MBD5: variants seen among roughly 807,000 people sequenced by gnomAD.
MBD5 encodes methyl-CpG binding domain protein 5.
MBD5 carries 13 observed loss-of-function variants against 117.3 expected under a neutral mutation model. The ratio of observed to expected loss-of-function variants is 0.11; its 90% CI spans 0.07 to 0.18. The LOEUF is 0.18. Ranked by LOEUF, MBD5 falls within the 10% of genes least tolerant of loss-of-function variation. The pLI, the probability that MBD5 is intolerant of heterozygous loss-of-function variation, is 1.00. For missense variants in MBD5, 1,879 were observed against 2,093.8 expected, an observed-to-expected ratio of 0.90 and a Z score of 2.00; for synonymous variants, 727 against 766.4, an observed-to-expected ratio of 0.95 and a Z score of 0.85.
chr2:148,038,551 A>C (rs1694261511), intron 1 of MBD5, among the ~76,000 whole-genome samples: 1 of 150,986 alleles, frequency 6.6e-6, no homozygotes, highest in Admixed American at 6.6e-5. Context: ...GAAAAAGAAA[A>C]CTTGAGGATT....
At chr2:148,405,126 T>C (rs574020263) in intron 4 of MBD5, among the ~76,000 whole-genome samples, 1 of 152,300 alleles carries the variant, frequency 6.6e-6, no homozygotes, top group South Asian at 2.1e-4. Context: ...TAAATATGTT[T>C]TTGAGTGTGT....
chr2:148,158,570 GT>G (rs1315923965), intron 1 of MBD5, among the ~76,000 whole-genome samples: 2 of 152,114 alleles, frequency 1.3e-5, no homozygotes, highest in Non-Finnish European at 1.5e-5. Context: ...ATACTTGGCC[GT>G]TTATACTGTC....
At chr2:148,357,303 C>A (rs1249155983) in intron 4 of MBD5, among the ~76,000 whole-genome samples, 1 of 152,150 alleles carries the variant, frequency 6.6e-6, no homozygotes, top group African/African-American at 2.4e-5. Flanking sequence ...CAATTACTAT[C>A]CATTTTAATT....
intron 3 of MBD5, among the ~76,000 whole-genome samples, chr2:148,278,823 C>A (rs1005249997): frequency 2.6e-5 from 4 of 152,150 alleles, no homozygotes; most frequent in Admixed American, 2.0e-4. Flanking sequence ...ACCAAAGAAG[C>A]TGATAGTGTA....
intron 3 of MBD5, among the ~76,000 whole-genome samples, chr2:148,240,371 C>A (rs894444380): frequency 1.1e-4 from 17 of 151,382 alleles, no homozygotes; most frequent in Non-Finnish European, 2.9e-5. Flanking sequence ...ACATATGTAA[C>A]AAACCTCCAT....
At chr2:148,277,828 T>G (rs74723674) in intron 3 of MBD5, among the ~76,000 whole-genome samples, 1,536 of 152,342 alleles carry the variant, frequency 0.01, 13 homozygotes, top group African/African-American at 0.034. Flanking sequence ...TTTTTCTAAT[T>G]TAATAAATGA....
intron 3 of MBD5, among the ~76,000 whole-genome samples, chr2:148,266,076 A>C (rs1700852702): frequency 6.6e-6 from 1 of 152,188 alleles, no homozygotes; most frequent in Admixed American, 6.6e-5. Context: ...TAAATCAGGC[A>C]AAGATAATAC....
intron 4 of MBD5, among the ~76,000 whole-genome samples, chr2:148,353,753 G>T (rs1289525445): frequency 6.6e-6 from 1 of 151,702 alleles, no homozygotes; most frequent in East Asian, 1.9e-4. Flanking sequence ...GCTAATTTTT[G>T]TATTTTTTGT....
chr2:148,456,056 C>G (rs375079126), intron 4 of MBD5, among the ~76,000 whole-genome samples: 1 of 152,264 alleles, frequency 6.6e-6, no homozygotes, highest in East Asian at 1.9e-4. Context: ...CCCTCCCGTC[C>G]TCTTTCCTTT....
chr2:148,483,587 C>G lies in MBD5; in HGVS notation c.2996C>G (p.Ala999Gly). ...GCCTTGCTTCAGAACCAAGCCCAAG[C>G]AGCTGCCATGCTTCCCCTGCCATCT... Reference protein sequence around the residue: ...LAALLQNQAQAAAMLPLPSFN... With the variant: ...LAALLQNQAQGAAMLPLPSFN... The change falls in exon 9 of 14, where the codon GCA (alanine) becomes GGA (glycine). Residue 999 changes from alanine (A) to glycine (G), a missense_variant. Physicochemically the swap from Ala to Gly is moderately conservative, Grantham distance 60. Coordinates refer to ENST00000642680, the MANE Select transcript of MBD5 (RefSeq NM_001378120.1). 1 of 1,557,990 alleles carries G rather than the reference C, an allele frequency of 6.4e-7. No homozygotes were observed. The highest frequency in any genetic ancestry group is 1.7e-4 in the Middle Eastern group (1 of 5,996).
At chr2:148,314,983 A>T (rs1443582899) in intron 3 of MBD5, among the ~76,000 whole-genome samples, 1 of 152,184 alleles carries the variant, frequency 6.6e-6, no homozygotes, top group African/African-American at 2.4e-5. Flanking sequence ...ATTTCATGAG[A>T]CATTAAACAA....
chr2:148,135,015 G>A (rs1697139834), intron 1 of MBD5, among the ~76,000 whole-genome samples: 1 of 152,120 alleles, frequency 6.6e-6, no homozygotes. Context: ...AACTTACTTG[G>A]TGGGGCATAG....
chr2:148,380,360 A>G (rs909910128), intron 4 of MBD5, among the ~76,000 whole-genome samples: 3 of 152,200 alleles, frequency 2.0e-5, no homozygotes, highest in Non-Finnish European at 4.4e-5. Flanking sequence ...AATCATTTAC[A>G]AAAAGTGCCA....
intron 13 of MBD5, among the ~76,000 whole-genome samples, chr2:148,511,350 A>G (rs943594195): frequency 2.0e-5 from 3 of 152,194 alleles, no homozygotes; most frequent in Non-Finnish European, 4.4e-5. Context: ...GGAAAAAGAG[A>G]AAATGAGTTT....
intron 3 of MBD5, among the ~76,000 whole-genome samples, chr2:148,299,553 G>T (rs1359398524): frequency 1.3e-5 from 2 of 152,282 alleles, no homozygotes; most frequent in Admixed American, 1.3e-4. Flanking sequence ...TGTTTCACCG[G>T]AGAAAAATGA....
At chr2:148,377,998 T>C (rs1704037885) in intron 4 of MBD5, among the ~76,000 whole-genome samples, 1 of 152,266 alleles carries the variant, frequency 6.6e-6, no homozygotes, top group Non-Finnish European at 1.5e-5. Context: ...GTGTTCCCCC[T>C]TTATAGAAAT....
At chr2:148,409,981 T>A (rs1410719890) in intron 4 of MBD5, among the ~76,000 whole-genome samples, 2 of 152,210 alleles carry the variant, frequency 1.3e-5, no homozygotes, top group Admixed American at 1.3e-4. Context: ...TATTTTTTAC[T>A]CTAATGTTCA....
chr2:148,128,264 A>G (rs953013566), intron 1 of MBD5, among the ~76,000 whole-genome samples: 1 of 152,154 alleles, frequency 6.6e-6, no homozygotes, highest in Admixed American at 6.5e-5. Flanking sequence ...TTTGCTTAAC[A>G]CAGTGCTGTT....
intron 1 of MBD5, among the ~76,000 whole-genome samples, chr2:148,171,756 G>A (rs983361984): frequency 6.6e-6 from 1 of 152,132 alleles, no homozygotes; most frequent in African/African-American, 2.4e-5. Context: ...GAATAAACAA[G>A]TACAGTAAAG....
Sources: allele counts gnomAD v4.1 joint callset (sites outside exome capture counted in the v4.1 genomes callset), GRCh38; gene constraint gnomAD v4.1.1; transcripts MANE v1.5; gene names NCBI Gene and HGNC (gene_info 2026-07-23, HGNC 2026-07-21).